The following FMN1 variants were observed in gnomAD, a reference collection of about 807,000 sequenced individuals.
FMN1 encodes formin 1, also known as formin-1.
FMN1 carries 110 observed loss-of-function variants against 132.4 expected under a neutral mutation model. That is an observed-to-expected ratio of 0.83 (90% CI 0.71 to 0.97). FMN1 has a LOEUF of 0.97. FMN1 is among the 50% of genes least tolerant of loss of function. The pLI is 0.00. For synonymous variants in FMN1, 722 were observed against 651.7 expected (o/e 1.11, Z -1.64); for missense variants, 1,792 against 1,705.3 (o/e 1.05, Z -0.90).
intron 6 of FMN1, among the ~76,000 whole-genome samples, chr15:33,034,157 T>C (rs1003950449): frequency 2.0e-5 from 3 of 152,184 alleles, no homozygotes; most frequent in African/African-American, 4.8e-5. Flanking sequence ...TAAATCCAAA[T>C]GTCTGCTCAA....
chr15:32,813,085 T>C (rs142921303), intron 17 of FMN1, among the ~76,000 whole-genome samples: 94 of 152,314 alleles, frequency 6.2e-4, no homozygotes, highest in African/African-American at 2.1e-3. Context: ...ACTAGTTATA[T>C]AGCATTTACA....
At chr15:32,888,760 C>A (rs531349497) in intron 15 of FMN1, among the ~76,000 whole-genome samples, 106 of 152,192 alleles carry the variant, frequency 7.0e-4, no homozygotes, top group African/African-American at 2.5e-3. Flanking sequence ...ATCACCCTCC[C>A]ATCACCTTTC....
intron 2 of FMN1, among the ~76,000 whole-genome samples, chr15:33,188,543 A>C (rs1046661638): frequency 6.6e-6 from 1 of 152,152 alleles, no homozygotes; most frequent in Non-Finnish European, 1.5e-5. Flanking sequence ...TGGAGTCTTC[A>C]GCTGTGTCTC....
At chr15:32,958,779 C>T (rs990266725) in intron 9 of FMN1, among the ~76,000 whole-genome samples, 5 of 152,094 alleles carry the variant, frequency 3.3e-5, no homozygotes, top group South Asian at 2.1e-4. Context: ...CAGTGGCTCA[C>T]GCCTGTAATC....
intron 17 of FMN1, among the ~76,000 whole-genome samples, chr15:32,850,216 C>T (rs1327563887): frequency 2.0e-5 from 3 of 151,794 alleles, no homozygotes; most frequent in Non-Finnish European, 4.4e-5. Flanking sequence ...GTTCAGATTA[C>T]TGACCTTTCC....
At chr15:32,979,827 A>T (rs1172878957) in intron 7 of FMN1, among the ~76,000 whole-genome samples, 1 of 152,210 alleles carries the variant, frequency 6.6e-6, no homozygotes, top group Non-Finnish European at 1.5e-5. Flanking sequence ...CCATGAGCAG[A>T]ATGCTACTCC....
intron 6 of FMN1, among the ~76,000 whole-genome samples, chr15:33,035,929 G>A (rs2036170756): frequency 6.6e-6 from 1 of 152,188 alleles, no homozygotes; most frequent in Admixed American, 6.5e-5. Context: ...TGTCATAGGA[G>A]GGAAGCTGGT....
At chr15:33,129,128 G>C (rs12439289) in intron 4 of FMN1, among the ~76,000 whole-genome samples, 45,862 of 152,104 alleles carry the variant, frequency 0.3, 8,501 homozygotes, top group South Asian at 0.4. Context: ...CAGAAGCCCA[G>C]CTGGCTTCAC....
At chr15:32,870,050 T>C (rs768462316) in intron 16 of FMN1, among the ~76,000 whole-genome samples, 59 of 152,220 alleles carry the variant, frequency 3.9e-4, no homozygotes, top group Non-Finnish European at 3.4e-4. Flanking sequence ...CTAGTTTTCC[T>C]GGTCAAGTGC....
intron 10 of FMN1, among the ~76,000 whole-genome samples, chr15:32,922,736 T>C (rs1409385782): frequency 1.3e-5 from 2 of 152,228 alleles, no homozygotes; most frequent in Non-Finnish European, 2.9e-5. Flanking sequence ...AAAATTGGAA[T>C]GCCTGAAGCT....
chr15:33,169,889 G>C (rs960011996), intron 3 of FMN1, among the ~76,000 whole-genome samples: 3 of 151,820 alleles, frequency 2.0e-5, no homozygotes, highest in Non-Finnish European at 2.9e-5. Flanking sequence ...TTCTAAAGTA[G>C]ATACATACTT....
chr15:32,903,898 T>TA (rs138557335), intron 12 of FMN1, among the ~76,000 whole-genome samples: 3,548 of 152,236 alleles, frequency 0.023, 139 homozygotes, highest in African/African-American at 0.081. Context: ...ATGTCCTCTT[T>TA]AAGCAGAAGG....
rs371178299 is a variant in FMN1 at position 32,901,945 on chromosome 15, T to C, written c.3473A>G (p.His1158Arg). 218 of 1,612,994 alleles carry C rather than the reference T, an allele frequency of 1.4e-4. No individual in the cohort carries two copies. Among genetic ancestry groups the C allele is most frequent in the Middle Eastern group, 3.3e-4 (2 of 6,054 alleles). ...TCGCGTGATGATCTCTACCTTTCTG[T>C]GCAAGGAGGTGATACCCTCAGAAAA... is the stretch of plus-strand genomic sequence containing the variant. The part of the protein sequence containing the change: ...SVFSEGITSL[H>R]RKVEIITRAS... The change falls in exon 13 of 21, where the codon CAC (histidine) becomes CGC (arginine). Residue 1158 changes from histidine to arginine, a missense_variant. This residue lies in a region of FMN1 where 1,150 missense variants were observed against 1,043.1 expected (regional missense o/e 1.10). Coordinates refer to ENST00000616417, the MANE Select transcript of FMN1 (RefSeq NM_001277313.2).
intron 10 of FMN1, among the ~76,000 whole-genome samples, chr15:32,921,679 CTTT>C (rs11421047): frequency 0.049 from 6,841 of 140,756 alleles, 521 homozygotes; most frequent in African/African-American, 0.17. Flanking sequence ...TCTTTTTTTT[CTTT>C]TTTTTTTTTT....
chr15:32,874,842 G>GATT (rs35208006), intron 16 of FMN1, among the ~76,000 whole-genome samples: 82,441 of 151,806 alleles, frequency 0.54, 22,693 homozygotes, highest in African/African-American at 0.61. Flanking sequence ...GTATTCTGTA[G>GATT]TTTTTTCTTT....
chr15:32,782,524 C>T (rs890797092), intron 19 of FMN1, among the ~76,000 whole-genome samples: 3 of 152,112 alleles, frequency 2.0e-5, no homozygotes, highest in Admixed American at 6.5e-5. Context: ...GTATAGATTC[C>T]AAGATACTTA....
chr15:33,092,084 C>T (rs1029859335), intron 4 of FMN1, among the ~76,000 whole-genome samples: 2 of 152,164 alleles, frequency 1.3e-5, no homozygotes, highest in African/African-American at 4.8e-5. Context: ...CAGCTGACCA[C>T]GGTTAATACA....
intron 6 of FMN1, among the ~76,000 whole-genome samples, chr15:33,031,420 G>C (rs796721796): frequency 6.6e-6 from 1 of 152,110 alleles, no homozygotes; most frequent in African/African-American, 2.4e-5. Flanking sequence ...CTCTCCAGAG[G>C]AGCTGCCCCA....
At chr15:33,121,827 G>T (rs28375098) in intron 4 of FMN1, among the ~76,000 whole-genome samples, 53,024 of 151,810 alleles carry the variant, frequency 0.35, 10,670 homozygotes, top group Non-Finnish European at 0.43. Flanking sequence ...CACCACACCC[G>T]GCCAAATTTT....
Sources: allele counts gnomAD v4.1 joint callset (sites outside exome capture counted in the v4.1 genomes callset), GRCh38; gene constraint gnomAD v4.1.1; regional missense constraint gnomAD v4.1.1; transcripts MANE v1.5; gene names NCBI Gene and HGNC (gene_info 2026-07-23, HGNC 2026-07-21).